Variants in ENOX1 observed in about 807,000 individuals in gnomAD.
The protein encoded by ENOX1 is ecto-NOX disulfide-thiol exchanger 1, also known as candidate growth-related and time keeping constitutive hydroquinone (NADH) oxidase.
Under a neutral mutation model 82.5 loss-of-function variants are expected in ENOX1, and 42 were observed. The ratio of observed to expected loss-of-function variants is 0.51; its 90% confidence interval spans 0.40 to 0.66. The LOEUF (loss-of-function observed/expected upper bound fraction) is 0.66. Among genes scored for constraint, ENOX1 ranks in the 30% least tolerant of loss-of-function variants. The pLI is 0.00. For missense variants in ENOX1, 608 were observed against 811.6 expected, an observed-to-expected ratio of 0.75 and a Z score of 3.05; for synonymous variants, 271 against 282.2, an observed-to-expected ratio of 0.96 and a Z score of 0.40.
At chr13:43,733,385 A>AT (rs1424555195) in intron 1 of ENOX1, among the ~76,000 whole-genome samples, 1 of 152,162 alleles carries the variant, frequency 6.6e-6, no homozygotes, top group Non-Finnish European at 1.5e-5. Context: ...CAGTTCAGTT[A>AT]TTTTCCACAC....
At chr13:43,710,750 A>C (rs1038369500) in intron 1 of ENOX1, among the ~76,000 whole-genome samples, 7 of 152,198 alleles carry the variant, frequency 4.6e-5, no homozygotes, top group Non-Finnish European at 1.0e-4. Flanking sequence ...GAAAAATAAT[A>C]ACAAATTTGA....
chr13:43,560,875 G>C (rs1478260138), intron 2 of ENOX1, among the ~76,000 whole-genome samples: 1 of 152,088 alleles, frequency 6.6e-6, no homozygotes. Flanking sequence ...CATCTCAGTG[G>C]CCCTCTATAA....
In ENOX1 at chr13:43,334,143, C is replaced by T. The variant is rs566665518; in HGVS notation, c.1037-7618G>A. On this transcript the variant is annotated intron_variant, in intron 9 of 16. Coordinates refer to ENST00000690772, the MANE Select transcript of ENOX1 (RefSeq NM_001347969.2). ...GCTTTAACAAGCTCTCTGCATGATT[C>T]CAAGGCATGCTAAAGTTTGAGAACC... Among the ~76,000 whole-genome samples the T allele has an allele frequency of 1.2e-4, 18 of 152,324 alleles. No individual in the cohort carries two copies. The South Asian group carries it at 2.3e-3, about 19-fold the overall frequency.
rs925473901 is a variant in ENOX1 at position 43,412,073 on chromosome 13, A to G, written c.71-20T>C. On this transcript the variant is annotated intron_variant, in intron 4 of 16. Coordinates refer to ENST00000690772, the MANE Select transcript of ENOX1 (RefSeq NM_001347969.2). ...CGGCTGCTGTGGGGAAAAACAAACC[A>G]TGATTTAGAGTCCATAGGCAAGGGT... 6.2e-7 allele frequency: 1 copy of G among 1,611,422 alleles called. No individual in the cohort carries two copies. Among genetic ancestry groups the G allele is most frequent in the African/African-American group, 1.3e-5 (1 of 74,852 alleles).
chr13:43,661,929 G>A (rs1278140910), intron 2 of ENOX1, among the ~76,000 whole-genome samples: 4 of 152,140 alleles, frequency 2.6e-5, no homozygotes, highest in African/African-American at 9.7e-5. Flanking sequence ...GAAGCCAAAT[G>A]TAAAAAAATC....
Position 43,533,758 on chromosome 13 carries a change from C to T in ENOX1, c.-218-49606G>A, listed in dbSNP as rs146005532. Among the ~76,000 whole-genome samples, 16 of 152,238 alleles carry T rather than the reference C, an allele frequency of 1.1e-4. No homozygotes were observed. The East Asian group carries it at 3.1e-3, about 29-fold the overall frequency. On this transcript the variant is annotated intron_variant, in intron 2 of 16. Coordinates refer to ENST00000690772, the MANE Select transcript of ENOX1 (RefSeq NM_001347969.2). ...CAAATTAAATATATACAGAGTTAGC[C>T]TCATTAAACTCGAATGGTCTCTGGG...
intron 2 of ENOX1, among the ~76,000 whole-genome samples, chr13:43,626,629 C>A (rs2082975794): frequency 6.6e-6 from 1 of 151,780 alleles, no homozygotes; most frequent in Admixed American, 6.6e-5. Flanking sequence ...TTATCTCTAG[C>A]TTGATTTATT....
intron 14 of ENOX1, among the ~76,000 whole-genome samples, chr13:43,264,640 G>C (rs2044264935): frequency 6.6e-6 from 1 of 152,122 alleles, no homozygotes; most frequent in African/African-American, 2.4e-5. Flanking sequence ...TCTGTGTTCA[G>C]TGAAAAGAAC....
At chr13:43,580,525 T>C (rs1232477284) in intron 2 of ENOX1, among the ~76,000 whole-genome samples, 1 of 152,228 alleles carries the variant, frequency 6.6e-6, no homozygotes, top group Non-Finnish European at 1.5e-5. Context: ...TTATTCTTCT[T>C]TCTACAGCAG....
intron 2 of ENOX1, among the ~76,000 whole-genome samples, chr13:43,581,550 TAA>T (rs1165084024): frequency 6.6e-6 from 1 of 152,220 alleles, no homozygotes; most frequent in African/African-American, 2.4e-5. Context: ...CTAAAAAGCT[TAA>T]GTCTTAGCAC....
intron 2 of ENOX1, among the ~76,000 whole-genome samples, chr13:43,550,779 T>G: frequency 6.6e-6 from 1 of 152,220 alleles, no homozygotes; most frequent in East Asian, 1.9e-4. Context: ...CTTCAGGGTA[T>G]GTGGACATAG....
chr13:43,754,209 A>G (rs1950507943), intron 1 of ENOX1, among the ~76,000 whole-genome samples: 1 of 147,888 alleles, frequency 6.8e-6, no homozygotes, highest in Non-Finnish European at 1.5e-5. Flanking sequence ...GTATATGTAT[A>G]TATGTGTGTA....
intron 16 of ENOX1, 55 bp from the exon 17 acceptor site, chr13:43,214,176 A>G: frequency 6.3e-7 from 1 of 1,580,746 alleles, no homozygotes; most frequent in Non-Finnish European, 8.6e-7. Context: ...TTAAAGGAGG[A>G]ATGGATTGGG....
At chr13:43,475,369 C>G (rs116825398) in intron 3 of ENOX1, among the ~76,000 whole-genome samples, 1,543 of 152,200 alleles carry the variant, frequency 0.01, 20 homozygotes, top group African/African-American at 0.035. Context: ...GATAGGAACT[C>G]TATTTTCTGA....
intron 2 of ENOX1, among the ~76,000 whole-genome samples, chr13:43,536,706 A>G (rs969426241): frequency 2.6e-5 from 4 of 152,212 alleles, no homozygotes; most frequent in African/African-American, 4.8e-5. Flanking sequence ...CATCTGCTCT[A>G]TCATTTTGGT....
intron 11 of ENOX1, among the ~76,000 whole-genome samples, chr13:43,303,622 G>A (rs954337926): frequency 6.6e-6 from 1 of 152,088 alleles, no homozygotes; most frequent in African/African-American, 2.4e-5. Flanking sequence ...TGGAGGAAAG[G>A]TGCCCACAGG....
intron 3 of ENOX1, among the ~76,000 whole-genome samples, chr13:43,415,234 T>TTTTTTTTTG (rs2054379971): frequency 1.6e-5 from 2 of 122,264 alleles, no homozygotes; most frequent in Admixed American, 1.6e-4. Flanking sequence ...AATCCAATGT[T>TTTTTTTTTG]TTTTTTTTTT....
At chr13:43,450,421 G>T (rs1378468090) in intron 3 of ENOX1, among the ~76,000 whole-genome samples, 1 of 152,166 alleles carries the variant, frequency 6.6e-6, no homozygotes, top group Non-Finnish European at 1.5e-5. Context: ...GGAGGTGACT[G>T]TCATTGAGAG....
rs181370597 is a variant in ENOX1 at position 43,553,043 on chromosome 13, G to A, written c.-218-68891C>T. Among the ~76,000 whole-genome samples, 4 of 152,140 alleles carry A rather than the reference G, an allele frequency of 2.6e-5. No individual in the cohort carries two copies. In the East Asian group the frequency reaches 5.8e-4, roughly 22 times the overall value. On this transcript the variant is annotated intron_variant, in intron 2 of 16. Coordinates refer to ENST00000690772, the MANE Select transcript of ENOX1 (RefSeq NM_001347969.2). ...TTGGAACCTGGGATATTCTGTATGG[G>A]GAAATATGGGGAGTGGAGATGGGGG...
Sources: allele counts gnomAD v4.1 joint callset (sites outside exome capture counted in the v4.1 genomes callset), GRCh38; gene constraint gnomAD v4.1.1; transcripts MANE v1.5; gene names NCBI Gene and HGNC (gene_info 2026-07-23, HGNC 2026-07-21).